Variants in ERBB4 observed in about 807,000 individuals in gnomAD.
ERBB4 encodes receptor tyrosine-protein kinase erbB-4.
A neutral mutation model predicts 158.0 loss-of-function variants in ERBB4; 42 were observed. The ratio of observed to expected loss-of-function variants is 0.27; its 90% CI spans 0.21 to 0.34. The LOEUF is 0.34. Among genes scored for constraint, ERBB4 ranks in the 10% least tolerant of loss-of-function variants. The pLI, the probability that ERBB4 is intolerant of heterozygous loss-of-function variation, is 1.00. For synonymous variants in ERBB4, 583 were observed against 558.7 expected (o/e 1.04, Z -0.61); for missense variants, 1,333 against 1,624.1 (o/e 0.82, Z 3.08).
intron 13 of ERBB4, among the ~76,000 whole-genome samples, chr2:211,678,786 G>A (rs145202717): frequency 0.011 from 1,677 of 151,812 alleles, 41 homozygotes; most frequent in African/African-American, 0.039. Context: ...CTAACACGGT[G>A]AAACCCCGTC....
At chr2:212,090,689 A>G (rs1000781682) in intron 2 of ERBB4, among the ~76,000 whole-genome samples, 1 of 152,154 alleles carries the variant, frequency 6.6e-6, no homozygotes, top group Non-Finnish European at 1.5e-5. Context: ...ATACTTCCAG[A>G]TTCCAATTTA....
intron 3 of ERBB4, among the ~76,000 whole-genome samples, chr2:211,806,416 A>T (rs1226904584): frequency 6.6e-6 from 1 of 152,176 alleles, no homozygotes; most frequent in Admixed American, 6.6e-5. Context: ...TGAGTATAGA[A>T]GGAGACATTT....
intron 12 of ERBB4, among the ~76,000 whole-genome samples, chr2:211,689,958 T>A (rs1217757713): frequency 6.6e-6 from 1 of 150,870 alleles, no homozygotes; most frequent in African/African-American, 2.4e-5. Flanking sequence ...TTAATATGTT[T>A]TATCAAGTTC....
intron 3 of ERBB4, among the ~76,000 whole-genome samples, chr2:211,869,980 G>C (rs11900679): frequency 0.032 from 4,938 of 152,106 alleles, 279 homozygotes; most frequent in African/African-American, 0.11. Context: ...AAGTATTTGT[G>C]ACCTAGACTG....
intron 20 of ERBB4, among the ~76,000 whole-genome samples, chr2:211,434,935 A>G (rs1467136234): frequency 2.0e-5 from 3 of 152,190 alleles, no homozygotes; most frequent in African/African-American, 7.2e-5. Context: ...CCTTAGTCCT[A>G]CTTTCACACA....
intron 2 of ERBB4, among the ~76,000 whole-genome samples, chr2:212,042,835 A>G (rs2077172233): frequency 6.6e-6 from 1 of 152,176 alleles, no homozygotes; most frequent in Non-Finnish European, 1.5e-5. Context: ...AAACTAGTTC[A>G]GTTGTTGTTT....
At chr2:212,453,234 C>T (rs1011538555) in intron 1 of ERBB4, among the ~76,000 whole-genome samples, 2 of 152,202 alleles carry the variant, frequency 1.3e-5, no homozygotes, top group Admixed American at 1.3e-4. Flanking sequence ...CTTACCCCCT[C>T]CGCATATAGA....
intron 22 of ERBB4, among the ~76,000 whole-genome samples, chr2:211,425,910 C>G (rs992842271): frequency 6.6e-6 from 1 of 152,030 alleles, no homozygotes; most frequent in African/African-American, 2.4e-5. Context: ...TCTCAAACTC[C>G]TGGGTTTGAG....
chr2:211,453,706 C>A (rs893634687), intron 20 of ERBB4, among the ~76,000 whole-genome samples: 2 of 152,084 alleles, frequency 1.3e-5, no homozygotes, highest in African/African-American at 4.8e-5. Flanking sequence ...GACAGGCAGA[C>A]GTGGATCCCA....
At chr2:211,965,215 A>G (rs987321) in intron 2 of ERBB4, among the ~76,000 whole-genome samples, 9,979 of 152,276 alleles carry the variant, frequency 0.066, 674 homozygotes, top group East Asian at 0.28. Context: ...TACTGAAAAT[A>G]TTATGCTTTT....
At chr2:212,069,678 A>G (rs1343149768) in intron 2 of ERBB4, among the ~76,000 whole-genome samples, 4 of 152,116 alleles carry the variant, frequency 2.6e-5, no homozygotes, top group Non-Finnish European at 5.9e-5. Context: ...TTTACGAAAT[A>G]CACAAAAAAA....
intron 19 of ERBB4, among the ~76,000 whole-genome samples, chr2:211,578,942 T>C (rs1205276832): frequency 6.6e-6 from 1 of 152,118 alleles, no homozygotes; most frequent in Non-Finnish European, 1.5e-5. Context: ...AAAGCAAAGA[T>C]TGACAAATGG....
At chr2:211,990,608 G>A (rs1239609167) in intron 2 of ERBB4, among the ~76,000 whole-genome samples, 2 of 151,772 alleles carry the variant, frequency 1.3e-5, no homozygotes, top group Admixed American at 6.6e-5. Flanking sequence ...CTAGCAAGTC[G>A]TTAAATTTAA....
At chr2:212,238,272 C>T (rs1475654019) in intron 1 of ERBB4, among the ~76,000 whole-genome samples, 1 of 152,176 alleles carries the variant, frequency 6.6e-6, no homozygotes, top group East Asian at 1.9e-4. Flanking sequence ...TGCATTTGGG[C>T]CGGAATGCAC....
intron 2 of ERBB4, among the ~76,000 whole-genome samples, chr2:212,088,754 A>G (rs1412037122): frequency 6.6e-6 from 1 of 152,182 alleles, no homozygotes; most frequent in East Asian, 1.9e-4. Flanking sequence ...AAATGCCTAT[A>G]AGAAATAGCT....
At chr2:211,542,770 C>T (rs941906410) in intron 20 of ERBB4, among the ~76,000 whole-genome samples, 1 of 151,718 alleles carries the variant, frequency 6.6e-6, no homozygotes, top group South Asian at 2.1e-4. Context: ...TTTTCAAGTG[C>T]TTTAGAATTA....
intron 3 of ERBB4, among the ~76,000 whole-genome samples, chr2:211,833,683 T>C (rs1298259948): frequency 6.6e-6 from 1 of 151,840 alleles, no homozygotes; most frequent in Non-Finnish European, 1.5e-5. Flanking sequence ...AATATATCAA[T>C]TTTCACTTCC....
chr2:211,419,013 G>A (rs984652625), intron 25 of ERBB4, among the ~76,000 whole-genome samples: 1 of 152,146 alleles, frequency 6.6e-6, no homozygotes, highest in Non-Finnish European at 1.5e-5. Context: ...AATGGAGGTA[G>A]ATGAGTAAAA....
intron 1 of ERBB4, among the ~76,000 whole-genome samples, chr2:212,208,393 A>G (rs995003281): frequency 2.6e-5 from 4 of 152,106 alleles, no homozygotes; most frequent in Non-Finnish European, 5.9e-5. Flanking sequence ...ATACCATATT[A>G]TATAATATAC....
Sources: gnomAD v4.1 joint callset for allele counts (sites outside exome capture counted in the v4.1 genomes callset) on GRCh38, gnomAD v4.1.1 for gene constraint, MANE v1.5 for transcripts, NCBI Gene and HGNC (gene_info 2026-07-23, HGNC 2026-07-21) for gene names.